The following FOXP2 variants were observed in gnomAD, a reference collection of about 807,000 sequenced individuals.
FOXP2 encodes forkhead box P2.
FOXP2 carries 12 observed loss-of-function variants against 115.8 expected under a neutral mutation model. That is an observed-to-expected ratio of 0.10 (90% CI 0.07 to 0.17). The LOEUF is 0.17. Ranked by LOEUF, FOXP2 falls within the 10% of genes least tolerant of loss-of-function variation. The pLI is 1.00. For synonymous variants in FOXP2, 328 were observed against 297.7 expected (o/e 1.10, Z -1.05); for missense variants, 629 against 843.5 (o/e 0.75, Z 3.15).
At position 114,644,702 on chromosome 7, in the gene FOXP2, C is replaced by G. The variant is rs945804979; in HGVS notation, c.1007C>G (p.Thr336Ser). ...TGCTACAGCTCGTCACATGAGGAGACTGGGGCCTCTCACACTCTCTATGGC... is the reference window on the plus strand; with the variant it reads ...TGCTACAGCTCGTCACATGAGGAGAGTGGGGCCTCTCACACTCTCTATGGC... The part of the protein sequence containing the change: ...ARRDSSSHEE[T>S]GASHTLYGHG... The change falls in exon 8 of 17, where the codon ACT becomes AGT. Residue 336 changes from threonine (T) to serine (S), a missense_variant. Thr to Ser is a moderately conservative substitution (Grantham distance 58). Around this residue, in one of 9 missense-constraint regions of FOXP2, gnomAD observed 92 missense variants for 80.1 expected, o/e 1.15. Transcript: ENST00000350908. 6.2e-7 allele frequency: 1 copy of G among 1,613,704 alleles called. No individual in the cohort carries two copies. Among genetic ancestry groups the G allele is most frequent in the South Asian group, 1.1e-5 (1 of 91,070 alleles).
chr7:114,463,419 G>A (rs927026503), intron 2 of FOXP2, among the ~76,000 whole-genome samples: 1 of 152,176 alleles, frequency 6.6e-6, no homozygotes, highest in Non-Finnish European at 1.5e-5. Flanking sequence ...CATGAAAGTG[G>A]CCAATGTCAC....
chr7:114,113,148 G>A (rs1791315699), intron 1 of FOXP2, among the ~76,000 whole-genome samples: 1 of 152,140 alleles, frequency 6.6e-6, no homozygotes, highest in Non-Finnish European at 1.5e-5. Flanking sequence ...ATCTAAAGTA[G>A]TATGTATGTA....
At chr7:114,528,828 A>G (rs1039156827) in intron 2 of FOXP2, among the ~76,000 whole-genome samples, 1 of 151,970 alleles carries the variant, frequency 6.6e-6, no homozygotes, top group Non-Finnish European at 1.5e-5. Flanking sequence ...TCTAAAATCT[A>G]TTTGGGAAAA....
rs1364998039 is a variant in FOXP2, at chr7:114,371,108, AT to A, written c.-10-55387del. Among the ~76,000 whole-genome samples, 40 of 152,068 alleles carry A rather than the reference AT, an allele frequency of 2.6e-4. No homozygotes were observed. The East Asian group carries it at 7.7e-3, about 29-fold the overall frequency. ...AATACTCCTTTTTATTTATTTATTT[AT>A]TTTTTTGAGATAAGGCCTCTTTTGG... On this transcript the variant is annotated intron_variant, in intron 2 of 17. Coordinates refer to the FOXP2 transcript ENST00000634411.
At chr7:114,654,524 T>G (rs1270898838) in intron 10 of FOXP2, among the ~76,000 whole-genome samples, 1 of 152,216 alleles carries the variant, frequency 6.6e-6, no homozygotes, top group Non-Finnish European at 1.5e-5. Context: ...CATATTGATA[T>G]GTTTTATTGT....
chr7:114,567,549 C>T (rs1270441385), intron 3 of FOXP2, among the ~76,000 whole-genome samples: 1 of 152,062 alleles, frequency 6.6e-6, no homozygotes, highest in Non-Finnish European at 1.5e-5. Flanking sequence ...GTTGAAAGTC[C>T]ATTCCAGTAC....
intron 1 of FOXP2, among the ~76,000 whole-genome samples, chr7:114,113,197 A>T (rs928056620): frequency 6.6e-6 from 1 of 152,158 alleles, no homozygotes; most frequent in African/African-American, 2.4e-5. Context: ...TCAAATTGGT[A>T]CTGTGGAGAA....
chr7:114,396,238 T>A (rs980821847), intron 2 of FOXP2, among the ~76,000 whole-genome samples: 2 of 152,060 alleles, frequency 1.3e-5, no homozygotes, highest in Non-Finnish European at 2.9e-5. Context: ...TTTAATTTTT[T>A]ACTCCCACAA....
intron 8 of FOXP2, among the ~76,000 whole-genome samples, chr7:114,648,637 CT>C (rs1236939259): frequency 6.6e-6 from 1 of 152,042 alleles, no homozygotes; most frequent in Non-Finnish European, 1.5e-5. Context: ...TCCTTTCCTA[CT>C]TTTTGTCTTC....
At chr7:114,427,130 A>C (rs1793892404) in intron 2 of FOXP2, among the ~76,000 whole-genome samples, 1 of 151,738 alleles carries the variant, frequency 6.6e-6, no homozygotes, top group Admixed American at 6.6e-5. Context: ...GTTAGCTGCA[A>C]ATATTAGCTA....
At position 114,414,886 on chromosome 7, in the gene FOXP2, T is replaced by C. The variant is rs1793263729; in HGVS notation, c.-485T>C. The C allele has an allele frequency of 2.9e-6, 1 of 345,914 alleles. No individual in the cohort carries two copies. The highest frequency in any genetic ancestry group is 7.5e-5 in the East Asian group (1 of 13,300). The allele number at this position is 345,914 out of a possible 1,614,324, so 21.4% of individuals were successfully genotyped here. A position where few individuals can be genotyped will look rare whatever the true frequency, so the allele number is the denominator to read the frequency against. Reference sequence around the variant, plus strand: ...TTTTGTCTCTCTCTCTCTGTCTTTCTCTCTCTCACACACACACTCACACAC... The same window carrying C: ...TTTTGTCTCTCTCTCTCTGTCTTTCCCTCTCTCACACACACACTCACACAC... On this transcript the variant is annotated 5_prime_UTR_variant, in exon 1 of 17. Coordinates refer to ENST00000350908, the MANE Select transcript of FOXP2 (RefSeq NM_014491.4).
chr7:114,631,578 C>A lies in FOXP2; in HGVS notation c.648C>A (p.Val216=), dbSNP rs1224531846. The A allele has an allele frequency of 6.2e-7, 1 of 1,604,458 alleles. No individual in the cohort carries two copies. Among genetic ancestry groups the A allele is most frequent in the South Asian group, 1.1e-5 (1 of 89,540 alleles). The change falls in exon 6 of 17, where the codon GTC becomes GTA. Residue 216 remains valine, a synonymous_variant. Transcript: ENST00000350908. The part of the protein sequence containing the change: ...QQQQLAAQQL[V]FQQQLLQMQQ... The stretch of plus-strand genomic sequence containing the variant: ...AGCAATTGGCAGCCCAGCAGCTTGT[C>A]TTCCAGCAGCAGCTTCTCCAGATGC...
chr7:114,276,878 A>G (rs541658081), intron 1 of FOXP2, among the ~76,000 whole-genome samples: 21 of 152,330 alleles, frequency 1.4e-4, no homozygotes, highest in Admixed American at 9.8e-4. Flanking sequence ...ACCAGAAGTC[A>G]GCTTATGTTT....
At chr7:114,443,979 T>C (rs567650423) in intron 2 of FOXP2, among the ~76,000 whole-genome samples, 1 of 152,282 alleles carries the variant, frequency 6.6e-6, no homozygotes, top group East Asian at 1.9e-4. Context: ...CTATTTTAAG[T>C]TCTTTGAGAA....
At chr7:114,399,305 A>G (rs1036566238) in intron 2 of FOXP2, among the ~76,000 whole-genome samples, 3 of 151,776 alleles carry the variant, frequency 2.0e-5, no homozygotes, top group Non-Finnish European at 1.5e-5. Flanking sequence ...ACAGGGTTTC[A>G]CCATGTTGGC....
At chr7:114,205,708 T>C (rs1219407191) in intron 1 of FOXP2, among the ~76,000 whole-genome samples, 4 of 152,052 alleles carry the variant, frequency 2.6e-5, no homozygotes, top group Non-Finnish European at 5.9e-5. Flanking sequence ...GGGAGAGGGA[T>C]GTAGTTTCAA....
chr7:114,147,226 G>GGATCAA (rs1792395198), intron 1 of FOXP2, among the ~76,000 whole-genome samples: 1 of 152,094 alleles, frequency 6.6e-6, no homozygotes, highest in Admixed American at 6.5e-5. Flanking sequence ...TTATTTATAT[G>GGATCAA]ATAGGATTTT....
chr7:114,294,258 A>T (rs1485626206), intron 2 of FOXP2, among the ~76,000 whole-genome samples: 3 of 152,146 alleles, frequency 2.0e-5, no homozygotes, highest in Non-Finnish European at 4.4e-5. Flanking sequence ...TGCTGGTCTG[A>T]TACTCATTCT....
intron 2 of FOXP2, among the ~76,000 whole-genome samples, chr7:114,440,944 C>A (rs1184516754): frequency 6.6e-6 from 1 of 152,042 alleles, no homozygotes; most frequent in East Asian, 1.9e-4. Flanking sequence ...CTATTTTGAT[C>A]CATAATAATC....
Sources: gnomAD v4.1 joint callset for allele counts (sites outside exome capture counted in the v4.1 genomes callset) on GRCh38, gnomAD v4.1.1 for gene constraint, gnomAD v4.1.1 regional missense constraint, MANE v1.5 for transcripts, NCBI Gene and HGNC (gene_info 2026-07-23, HGNC 2026-07-21) for gene names.